ATP2B3: variants seen among roughly 807,000 people sequenced by gnomAD.
ATP2B3 encodes the protein plasma membrane calcium-transporting ATPase 3.
ATP2B3 carries 12 observed loss-of-function variants against 70.8 expected under a neutral mutation model. The ratio of observed to expected loss-of-function variants is 0.17; its 90% CI spans 0.11 to 0.27. The LOEUF (loss-of-function observed/expected upper bound fraction) is 0.27. ATP2B3 is among the 10% of genes least tolerant of loss of function. The pLI is 1.00. For missense variants in ATP2B3, 858 were observed against 1,118.5 expected, an observed-to-expected ratio of 0.77 and a Z score of 3.32; for synonymous variants, 460 against 497.8, an observed-to-expected ratio of 0.92 and a Z score of 1.01.
intron 10 of ATP2B3, among the ~76,000 whole-genome samples, 161 bp downstream of exon 10, chrX:153,549,015 G>T (rs1004187262): frequency 9.1e-6 from 1 of 109,636 alleles, no homozygotes; most frequent in Non-Finnish European, 1.9e-5. Flanking sequence ...TTGCTGATCT[G>T]TCAGCTCAGG....
At chrX:153,519,011 G>A (rs2089918276) in intron 2 of ATP2B3, among the ~76,000 whole-genome samples, 1 of 111,280 alleles carries the variant, frequency 9.0e-6, no homozygotes, top group African/African-American at 3.3e-5. Context: ...AGTCTGGCAG[G>A]CACCCCCTGC....
chrX:153,562,091 G>T, intron 19 of ATP2B3, 44 bp from the exon 20 acceptor site: 1 of 1,157,789 alleles, frequency 8.6e-7, no homozygotes, highest in Non-Finnish European at 1.2e-6. Context: ...GGGTGGCTCA[G>T]GAGCCGCGGC....
chrX:153,564,445 C>T (rs1429602861), intron 20 of ATP2B3, among the ~76,000 whole-genome samples: 1 of 112,727 alleles, frequency 8.9e-6, no homozygotes, highest in Non-Finnish European at 1.9e-5. Flanking sequence ...AGCCCCCTGC[C>T]CCACTGAGCC....
intron 2 of ATP2B3, among the ~76,000 whole-genome samples, chrX:153,519,467 A>ACCCCCCC (rs1401325484): frequency 1.1e-5 from 1 of 93,233 alleles, no homozygotes; most frequent in Non-Finnish European, 2.2e-5. Context: ...CCCAACCCCC[A>ACCCCCCC]CCCCCCGCCG....
chrX:153,580,658 T>G lies in ATP2B3; in HGVS notation c.*360T>G. 5.2e-6 allele frequency: 1 copy of G among 191,202 alleles called. No homozygotes were observed. The allele number at this position is 191,202 out of a possible 1,213,427, so 15.8% of individuals were successfully genotyped here. ...TTTTTTTCTATTGATGCTTCTTTTT[T>G]AACAAACTACAGTTTTACCGTGTGT... On this transcript the variant is annotated 3_prime_UTR_variant, in exon 22 of 22. Transcript: ENST00000263519.
At chrX:153,578,966 G>A (rs1156797692) in intron 21 of ATP2B3, among the ~76,000 whole-genome samples, 1 of 112,696 alleles carries the variant, frequency 8.9e-6, no homozygotes, top group Non-Finnish European at 1.9e-5. Flanking sequence ...TCAAAAGTGT[G>A]GCCATTTTCG....
chrX:153,519,900 G>A (rs1046793032), intron 2 of ATP2B3, among the ~76,000 whole-genome samples: 2 of 112,959 alleles, frequency 1.8e-5, no homozygotes, highest in Non-Finnish European at 3.8e-5. Flanking sequence ...CTAAGGCAAA[G>A]AGCATGCCAG....
chrX:153,569,770 TC>T (rs1569535931), intron 21 of ATP2B3: 10 of 1,206,448 alleles, frequency 8.3e-6, no homozygotes, highest in Non-Finnish European at 1.1e-5. Context: ...AGTCTTGACT[TC>T]CCTTTTCTCT....
chrX:153,561,032 C>T, intron 19 of ATP2B3, 145 bp downstream of exon 19: 1 of 647,979 alleles, frequency 1.5e-6, no homozygotes, highest in Non-Finnish European at 2.4e-6. Context: ...TTCCTGTAGC[C>T]CCCGTCCTCT....
At chrX:153,573,540 T>C (rs1263326682) in intron 21 of ATP2B3, among the ~76,000 whole-genome samples, 1 of 112,879 alleles carries the variant, frequency 8.9e-6, no homozygotes, top group Non-Finnish European at 1.9e-5. Flanking sequence ...CCTGGAACCC[T>C]GGGCCCTACC....
intron 2 of ATP2B3, among the ~76,000 whole-genome samples, chrX:153,523,580 C>A (rs1386230055): frequency 1.8e-5 from 2 of 110,781 alleles, no homozygotes; most frequent in Non-Finnish European, 3.8e-5. Flanking sequence ...GTATCTAGGT[C>A]AAAAATATGT....
chrX:153,543,496 G>A (rs1182336058), intron 7 of ATP2B3, among the ~76,000 whole-genome samples: 2 of 112,870 alleles, frequency 1.8e-5, no homozygotes, highest in Non-Finnish European at 3.8e-5. Flanking sequence ...CTTACCCTCA[G>A]GGCCCGTGCC....
intron 13 of ATP2B3, 87 bp downstream of exon 13, chrX:153,553,356 C>T (rs2090486816): frequency 4.9e-6 from 4 of 817,563 alleles, no homozygotes; most frequent in South Asian, 4.8e-5. Flanking sequence ...CCTTCCTTCA[C>T]ACACAGCTGC....
At chrX:153,524,200 C>T (rs1367658492) in intron 2 of ATP2B3, among the ~76,000 whole-genome samples, 1 of 109,323 alleles carries the variant, frequency 9.1e-6, no homozygotes, top group Admixed American at 9.7e-5. Context: ...GAGAGCTGTT[C>T]ATTTCTGAGT....
chrX:153,567,792 C>T (rs1455000973), intron 21 of ATP2B3, among the ~76,000 whole-genome samples: 2 of 112,268 alleles, frequency 1.8e-5, no homozygotes, highest in African/African-American at 6.5e-5. Flanking sequence ...CGATCCGACT[C>T]TTCCACGGGC....
At chrX:153,576,684 G>A (rs1417232137) in intron 21 of ATP2B3, among the ~76,000 whole-genome samples, 1 of 111,539 alleles carries the variant, frequency 9.0e-6, no homozygotes, top group Non-Finnish European at 1.9e-5. Flanking sequence ...AGATTCCTTT[G>A]GGAGCAGTAG....
intron 2 of ATP2B3, among the ~76,000 whole-genome samples, chrX:153,531,418 G>A (rs1557001865): frequency 8.8e-6 from 1 of 113,293 alleles, no homozygotes; most frequent in Non-Finnish European, 1.9e-5. Flanking sequence ...GAGAGATGGG[G>A]GACTATTGTT....
At chrX:153,544,395 C>T (rs1557007949) in intron 7 of ATP2B3, among the ~76,000 whole-genome samples, 1 of 112,463 alleles carries the variant, frequency 8.9e-6, no homozygotes, top group Non-Finnish European at 1.9e-5. Flanking sequence ...TGAGTGTGTC[C>T]TTCCTAACTG....
intron 18 of ATP2B3, 99 bp from the exon 19 acceptor site, chrX:153,560,577 A>C: frequency 1.0e-6 from 1 of 958,001 alleles, no homozygotes; most frequent in Non-Finnish European, 1.4e-6. Context: ...CCCCTGGGAC[A>C]AGGGACCCAT....
Sources: allele counts gnomAD v4.1 joint callset (sites outside exome capture counted in the v4.1 genomes callset), GRCh38; gene constraint gnomAD v4.1.1; transcripts MANE v1.5; gene names NCBI Gene and HGNC (gene_info 2026-07-23, HGNC 2026-07-21).